The following TRNT1 variants were observed in gnomAD, a reference collection of about 807,000 sequenced individuals.
TRNT1 encodes the protein tRNA nucleotidyl transferase 1, also known as CCA tRNA nucleotidyltransferase 1, mitochondrial.
TRNT1 carries 44 observed loss-of-function variants against 45.6 expected under a neutral mutation model. The observed-to-expected ratio is 0.97, with a 90% CI of 0.76 to 1.24. The LOEUF is 1.24. TRNT1 is among the 50% of genes most tolerant of loss of function. The probability of loss-of-function intolerance (pLI) is 0.00; values close to 1 mark genes in which losing one functional copy is unlikely to be tolerated. For missense variants in TRNT1, 633 were observed against 504.4 expected, an observed-to-expected ratio of 1.25 and a Z score of -2.44; for synonymous variants, 201 against 171.4, an observed-to-expected ratio of 1.17 and a Z score of -1.35.
downstream of TRNT1, chr3:3,152,546 T>C (rs764206787): frequency 6.8e-6 from 11 of 1,613,952 alleles, no homozygotes; most frequent in Admixed American, 1.7e-5. Flanking sequence ...CACATATCCA[T>C]GAGGATTCAC....
downstream of TRNT1, chr3:3,151,113 A>G (rs1282102087): frequency 2.6e-6 from 4 of 1,538,906 alleles, no homozygotes; most frequent in Non-Finnish European, 3.6e-6. Context: ...ATATAAACCT[A>G]TCATGAAGAC....
At chr3:3,140,090 ATTCTTT>A (rs1271847860) in intron 3 of TRNT1, among the ~76,000 whole-genome samples, 1 of 152,186 alleles carries the variant, frequency 6.6e-6, no homozygotes, top group Non-Finnish European at 1.5e-5. Flanking sequence ...AACTGTACTT[ATTCTTT>A]ATCAGTCTTT....
chr3:3,153,349 T>C, downstream of TRNT1: 4 of 898,064 alleles, frequency 4.5e-6, no homozygotes, highest in Non-Finnish European at 7.5e-6. Flanking sequence ...GAGGAAAGTT[T>C]ATGGAAAACA....
downstream of TRNT1, chr3:3,151,114 T>A: frequency 6.5e-7 from 1 of 1,535,158 alleles, no homozygotes; most frequent in Non-Finnish European, 8.9e-7. Flanking sequence ...TATAAACCTA[T>A]CATGAAGACA....
chr3:3,130,221 G>T, intron 2 of TRNT1: 1 of 428,544 alleles, frequency 2.3e-6, no homozygotes, highest in Non-Finnish European at 4.2e-6. Flanking sequence ...GATTCACCTG[G>T]GGAGCTTTTA....
At chr3:3,138,722 G>A (rs117952727) in intron 3 of TRNT1, among the ~76,000 whole-genome samples, 1 of 152,254 alleles carries the variant, frequency 6.6e-6, no homozygotes, top group East Asian at 1.9e-4. Flanking sequence ...TGGTCTTGTA[G>A]AATTTCAAGA....
At chr3:3,130,785 C>G (rs907264377) in intron 2 of TRNT1, 4 of 152,056 alleles carry the variant, frequency 2.6e-5, no homozygotes, top group African/African-American at 7.2e-5. Flanking sequence ...ACCTGTAATC[C>G]TAGCACTTTG....
Position 3,148,147 on chromosome 3 carries a change from A to AGAC in TRNT1, c.1299_1301dup (p.Thr434dup). On this transcript the variant is annotated inframe_insertion, in exon 8 of 8. Coordinates refer to ENST00000251607, the MANE Select transcript of TRNT1 (RefSeq NM_182916.3). Reference sequence around the variant, plus strand: ...GATGAACTTCTGAGTTACATAAAGAAGACCTAAAACTGATGGCTACTAAAA... The same window carrying AGAC: ...GATGAACTTCTGAGTTACATAAAGAAGACGACCTAAAACTGATGGCTACTAAAA... 1 of 1,613,192 alleles carries AGAC rather than the reference A, an allele frequency of 6.2e-7. No individual in the cohort carries two copies. The highest frequency in any genetic ancestry group is 8.5e-7 in the Non-Finnish European group (1 of 1,179,614).
intron 4 of TRNT1, among the ~76,000 whole-genome samples, chr3:3,142,759 G>A (rs1288503620): frequency 6.6e-6 from 1 of 152,024 alleles, no homozygotes; most frequent in Non-Finnish European, 1.5e-5. Context: ...CCCCAGGGAC[G>A]GTTACAAGTC....
In TRNT1 at chr3:3,148,086, G is replaced by A. The variant is rs530118123; in HGVS notation, c.1237G>A (p.Glu413Lys). The change falls in exon 8 of 8, where the codon GAA becomes AAA. Residue 413 changes from glutamate to lysine, a missense_variant. Physicochemically the swap from Glu to Lys is moderately conservative, Grantham distance 56. Coordinates refer to ENST00000251607, the MANE Select transcript of TRNT1 (RefSeq NM_182916.3). The stretch of plus-strand genomic sequence containing the variant: ...TGGGGCTCTATTACAACAGTTGCGA[G>A]AACAGTGGAAAAAAAGTGGTTACCA... ...EIGALLQQLR[E>K]QWKKSGYQME... 2 of 1,613,810 alleles carry A rather than the reference G, an allele frequency of 1.2e-6. No homozygotes were observed. Among genetic ancestry groups the A allele is most frequent in the East Asian group, 2.2e-5 (1 of 44,878 alleles).
rs1457597463 is a variant in TRNT1 at position 3,130,265 on chromosome 3, C to G, written c.148+1077C>G. ...ATGCTCGGGTTCTACCTGCAGCCTA[C>G]TGAATTAGAATCTCTGGGTGGGATG... On this transcript the variant is annotated intron_variant, in intron 2 of 7. Transcript: ENST00000251607. 4 of 316,580 alleles carry G rather than the reference C, an allele frequency of 1.3e-5. No individual in the cohort carries two copies. The Admixed American group carries it at 1.8e-4, about 15-fold the overall frequency. 19.6% of individuals were successfully genotyped at this position (316,580 alleles called of 1,614,324 possible).
intron 4 of TRNT1, among the ~76,000 whole-genome samples, chr3:3,144,214 G>C (rs1227319877): frequency 6.6e-6 from 1 of 151,934 alleles, no homozygotes; most frequent in Non-Finnish European, 1.5e-5. Context: ...TATTTTCCTC[G>C]TTTCTTCTGT....
At position 3,148,124 on chromosome 3, in the gene TRNT1, T is replaced by TG; in HGVS notation, c.1276dup (p.Glu426GlyfsTer41). The TG allele has an allele frequency of 6.2e-7, 1 of 1,613,766 alleles. No individual in the cohort carries two copies. ...AAAGTGGTTACCAAATGGAAAAAGA[T>TG]GAACTTCTGAGTTACATAAAGAAGA... On this transcript the variant is annotated frameshift_variant, in exon 8 of 8. Transcript: ENST00000251607. LOFTEE classifies it high-confidence loss of function.
chr3:3,130,029 G>GACT (rs1559213849), intron 2 of TRNT1: 22 of 1,495,230 alleles, frequency 1.5e-5, no homozygotes, highest in African/African-American at 5.6e-5. Flanking sequence ...TTAGCTAAGT[G>GACT]CCAGTAGCTT....
intron 2 of TRNT1, chr3:3,136,704 G>T: frequency 2.4e-6 from 1 of 418,602 alleles, no homozygotes; most frequent in Non-Finnish European, 4.7e-6. Flanking sequence ...ACCCAGGCTG[G>T]AGTGCAGTGG....
chr3:3,142,446 G>A (rs1705712882), intron 4 of TRNT1, among the ~76,000 whole-genome samples: 1 of 152,162 alleles, frequency 6.6e-6, no homozygotes. Context: ...TCCAACTCAG[G>A]CAGCCTGACT....
chr3:3,130,295 T>G (rs998267138), intron 2 of TRNT1: 1 of 238,612 alleles, frequency 4.2e-6, no homozygotes, highest in Non-Finnish European at 8.2e-6. Context: ...GGGATGACCA[T>G]CTATATTTTT....
intron 3 of TRNT1, among the ~76,000 whole-genome samples, chr3:3,138,104 A>G (rs1216422784): frequency 6.6e-6 from 1 of 152,134 alleles, no homozygotes; most frequent in Admixed American, 6.5e-5. Flanking sequence ...CTGCTCCAAT[A>G]TGGACTTTTA....
chr3:3,140,461 T>G, intron 3 of TRNT1, 49 bp from the exon 4 acceptor site: 1 of 1,594,252 alleles, frequency 6.3e-7, no homozygotes, highest in Non-Finnish European at 8.6e-7. Flanking sequence ...TTCAGTAGTA[T>G]GAAAACCTAA....
Sources: allele counts gnomAD v4.1 joint callset (sites outside exome capture counted in the v4.1 genomes callset), GRCh38; gene constraint gnomAD v4.1.1; transcripts MANE v1.5; gene names NCBI Gene and HGNC (gene_info 2026-07-23, HGNC 2026-07-21).